Variants in SLC48A1 observed in about 807,000 individuals in gnomAD.
SLC48A1 encodes solute carrier family 48 member 1, also known as heme transporter HRG1.
Under a neutral mutation model 14.8 loss-of-function variants are expected in SLC48A1, and 6 were observed. The ratio of observed to expected loss-of-function variants is 0.41; its 90% CI spans 0.22 to 0.80. The LOEUF (loss-of-function observed/expected upper bound fraction) is 0.80. SLC48A1 is among the 30% of genes least tolerant of loss of function. SLC48A1 has a pLI of 0.34. For missense variants in SLC48A1, 165 were observed against 204.8 expected (o/e 0.81, Z 1.19); for synonymous variants, 89 against 90.0 (o/e 0.99, Z 0.06).
At chr12:47,774,200 T>C (rs906421661) in intron 1 of SLC48A1, among the ~76,000 whole-genome samples, 3 of 152,234 alleles carry the variant, frequency 2.0e-5, no homozygotes, top group Non-Finnish European at 4.4e-5. Context: ...TGACCAGTGC[T>C]CCTTGTTGTG....
upstream of SLC48A1, chr12:47,772,141 G>T (rs1237519463): frequency 1.3e-5 from 2 of 154,772 alleles, no homozygotes; most frequent in African/African-American, 2.4e-5. Flanking sequence ...AAAAACTAAT[G>T]CAAGGGGTAT....
chr12:47,775,942 G>T (rs1288174555), intron 1 of SLC48A1, among the ~76,000 whole-genome samples: 1 of 152,226 alleles, frequency 6.6e-6, no homozygotes, highest in Admixed American at 6.5e-5. Context: ...CTTTGCTGTG[G>T]GAGTCCTGGG....
chr12:47,769,282 C>T (rs1366814459), upstream of SLC48A1: 1 of 152,254 alleles, frequency 6.6e-6, no homozygotes, highest in Non-Finnish European at 1.5e-5. Flanking sequence ...GTTTCTGGCG[C>T]AGGCAGGGAG....
At chr12:47,775,322 TG>T (rs1215362609) in intron 1 of SLC48A1, among the ~76,000 whole-genome samples, 2 of 152,192 alleles carry the variant, frequency 1.3e-5, no homozygotes, top group Non-Finnish European at 2.9e-5. Flanking sequence ...CCTTGGCCTA[TG>T]AGGCAGGCCA....
rs746594073 is a variant in SLC48A1 at position 47,780,865 on chromosome 12, C to G, written c.*584C>G. On this transcript the variant is annotated 3_prime_UTR_variant, in exon 3 of 3. Transcript: ENST00000442218. ...TATAGGTGTGAGCCACCGTGCCCGG[C>G]CTGGATCTGTTTTCTTAGCACGCAG... The G allele has an allele frequency of 5.7e-6, 3 of 530,014 alleles. No homozygotes were observed. The highest frequency in any genetic ancestry group is 4.2e-5 in the South Asian group (3 of 70,908). The allele number at this position is 530,014 out of a possible 1,614,324, so 32.8% of individuals were successfully genotyped here.
chr12:47,780,447 T>A lies in SLC48A1; in HGVS notation c.*166T>A, dbSNP rs1374566826. The A allele has an allele frequency of 4.5e-6, 5 of 1,101,982 alleles. No homozygotes were observed. In the Admixed American group the frequency reaches 5.1e-5, roughly 11 times the overall value. The allele number at this position is 1,101,982 out of a possible 1,614,324, so 68.3% of individuals were successfully genotyped here. A position where few individuals can be genotyped will look rare whatever the true frequency, so the allele number is the denominator to read the frequency against. ...CAGGAAGCTGTCCTGCCCGTCCCCTTTCGAGGAAACCTGAGTGTGGTAGAG... is the reference window on the plus strand; with the variant it reads ...CAGGAAGCTGTCCTGCCCGTCCCCTATCGAGGAAACCTGAGTGTGGTAGAG... On this transcript the variant is annotated 3_prime_UTR_variant, in exon 3 of 3. Coordinates refer to ENST00000442218, the MANE Select transcript of SLC48A1 (RefSeq NM_017842.3).
At chr12:47,762,632 C>A (rs546785945) in intron 2 of SLC48A1, among the ~76,000 whole-genome samples, 12 of 152,278 alleles carry the variant, frequency 7.9e-5, no homozygotes, top group Middle Eastern at 3.4e-3. Context: ...ATCTTTTTAT[C>A]CTCAGAACAA....
At chr12:47,760,756 C>T (rs1235383544) in intron 2 of SLC48A1, among the ~76,000 whole-genome samples, 1 of 152,128 alleles carries the variant, frequency 6.6e-6, no homozygotes, top group African/African-American at 2.4e-5. Flanking sequence ...AGGAAATTGC[C>T]AAAGTCACAC....
chr12:47,758,756 A>T, intron 1 of SLC48A1: 41 of 1,045,644 alleles, frequency 3.9e-5, no homozygotes, highest in Middle Eastern at 4.1e-4. Flanking sequence ...CTCTTGGGTG[A>T]GTAGAGGGGT....
chr12:47,766,349 T>C (rs1167744597), intron 2 of SLC48A1, among the ~76,000 whole-genome samples: 1 of 152,140 alleles, frequency 6.6e-6, no homozygotes, highest in African/African-American at 2.4e-5. Flanking sequence ...CTCCTCACAG[T>C]GCTGCAACCT....
intron 2 of SLC48A1, among the ~76,000 whole-genome samples, chr12:47,764,774 A>C (rs544452364): frequency 7.2e-5 from 11 of 152,216 alleles, no homozygotes; most frequent in Non-Finnish European, 1.5e-4. Flanking sequence ...TCCTCCCTTC[A>C]GAAAGAACTT....
chr12:47,773,199 G>A (rs1942663144), upstream of SLC48A1: 2 of 1,016,916 alleles, frequency 2.0e-6, no homozygotes, highest in Non-Finnish European at 2.3e-6. Context: ...GGAGCGCGGG[G>A]CGCCGGCTGC....
intron 2 of SLC48A1, 86 bp from the exon 3 acceptor site, chr12:47,780,059 G>C: frequency 7.0e-7 from 1 of 1,429,518 alleles, no homozygotes; most frequent in Non-Finnish European, 9.3e-7. Context: ...GATGTTGAGT[G>C]GGGAGGGTGG....
In SLC48A1 at chr12:47,777,327, G is replaced by C. The variant is rs776629405; in HGVS notation, c.137-1701G>C. On this transcript the variant is annotated intron_variant, in intron 1 of 2. Transcript: ENST00000442218. The surrounding 1 kb of genome is among the most constrained non-coding windows in gnomAD (Gnocchi z 4.5). ...CCAGGCCCCCACCCCCTGAGGAAGA[G>C]TGGAGGTGGGCAGGGGCAAAGCTGG... 2.0e-5 allele frequency among the ~76,000 whole-genome samples: 3 copies of C among 152,218 alleles called. No individual in the cohort carries two copies. Among genetic ancestry groups the C allele is most frequent in the Non-Finnish European group, 4.4e-5 (3 of 68,032 alleles).
At position 47,779,069 on chromosome 12, in the gene SLC48A1, A is replaced by G; in HGVS notation, c.178A>G (p.Met60Val). Residue 60 changes from methionine (M) to valine (V), a missense_variant, in exon 2 of 3, where the codon ATG becomes GTG. By Grantham distance (21) the Met-to-Val change is conservative (BLOSUM62 1). Coordinates refer to ENST00000442218, the MANE Select transcript of SLC48A1 (RefSeq NM_017842.3). ...GGTCCTGGTGACGCACGTGATGTAC[A>G]TGCAAGATTATTGGAGGACCTGGCT... ...LWVLVTHVMY[M>V]QDYWRTWLKG... The G allele has an allele frequency of 6.4e-7, 1 of 1,551,726 alleles. No homozygotes were observed. The highest frequency in any genetic ancestry group is 8.7e-7 in the Non-Finnish European group (1 of 1,147,030).
chr12:47,778,761 T>G (rs1176139249), intron 1 of SLC48A1: 3 of 413,878 alleles, frequency 7.2e-6, no homozygotes, highest in African/African-American at 6.0e-5. Flanking sequence ...GTGAGAGATA[T>G]TCATGTTTTC....
chr12:47,754,718 G>C (rs1380875879), upstream of SLC48A1, among the ~76,000 whole-genome samples: 2 of 152,084 alleles, frequency 1.3e-5, no homozygotes, highest in East Asian at 3.8e-4. Flanking sequence ...TTTCATGATG[G>C]GCCCTATTAC....
At chr12:47,760,595 GT>G (rs1942348881) in intron 2 of SLC48A1, among the ~76,000 whole-genome samples, 1 of 149,304 alleles carries the variant, frequency 6.7e-6, no homozygotes, top group Non-Finnish European at 1.5e-5. Flanking sequence ...CAGGACACTT[GT>G]ATACATTTCA....
chr12:47,771,589 G>C (rs1343377426), upstream of SLC48A1: 3 of 152,322 alleles, frequency 2.0e-5, no homozygotes, highest in Non-Finnish European at 4.4e-5. Context: ...CCTTAGAAGG[G>C]AAAAGGAGGA....
Sources: allele counts gnomAD v4.1 joint callset (sites outside exome capture counted in the v4.1 genomes callset), GRCh38; gene constraint gnomAD v4.1.1; non-coding constraint Gnocchi (gnomAD v3.1); transcripts MANE v1.5; gene names NCBI Gene and HGNC (gene_info 2026-07-23, HGNC 2026-07-21).